The following STK33 variants were observed in gnomAD, a reference collection of about 807,000 sequenced individuals.
STK33 encodes serine/threonine kinase 33.
STK33 carries 52 observed loss-of-function variants against 58.0 expected under a neutral mutation model. The observed-to-expected ratio is 0.90, with a 90% CI of 0.72 to 1.13. The LOEUF (loss-of-function observed/expected upper bound fraction) is 1.13, where lower values mean the gene tolerates loss of function less well. Among genes scored for constraint, STK33 ranks in the 50% most tolerant of loss-of-function variants. The pLI, the probability that STK33 is intolerant of heterozygous loss-of-function variation, is 0.00. For missense variants in STK33, 630 were observed against 604.2 expected, an observed-to-expected ratio of 1.04 and a Z score of -0.45; for synonymous variants, 215 against 200.1, an observed-to-expected ratio of 1.07 and a Z score of -0.63.
At chr11:8,540,046 T>C (rs1015386937) in intron 1 of STK33, among the ~76,000 whole-genome samples, 1 of 152,030 alleles carries the variant, frequency 6.6e-6, no homozygotes, top group Non-Finnish European at 1.5e-5. Context: ...AACCCAGCAA[T>C]CCCTCTTCTG....
chr11:8,336,287 G>A, the STK33 span, among the ~76,000 whole-genome samples: 1 of 152,270 alleles, frequency 6.6e-6, no homozygotes, highest in South Asian at 2.1e-4. Flanking sequence ...GCACCAGGCT[G>A]TGGGCTGGGG....
intron 1 of STK33, among the ~76,000 whole-genome samples, chr11:8,593,049 T>C (rs1240836792): frequency 1.3e-5 from 2 of 152,148 alleles, no homozygotes; most frequent in African/African-American, 4.8e-5. Flanking sequence ...TTGATGATTG[T>C]TTGGATATGG....
intron 15 of STK33, among the ~76,000 whole-genome samples, chr11:8,394,654 T>C (rs924150648): frequency 6.6e-6 from 1 of 152,220 alleles, no homozygotes; most frequent in South Asian, 2.1e-4. Flanking sequence ...AACAGAATTA[T>C]TGATGTAGAA....
chr11:8,390,564 T>C (rs956814918), downstream of STK33, among the ~76,000 whole-genome samples: 4 of 152,124 alleles, frequency 2.6e-5, no homozygotes, highest in African/African-American at 9.7e-5. Flanking sequence ...AAAATACCAC[T>C]AAGTAACACA....
At position 8,591,320 on chromosome 11, in the gene STK33, A is replaced by G. The variant is rs1163330786; in HGVS notation, c.-466+2763T>C. Reference sequence around the variant, plus strand: ...TTGTACTTATTTTCTTTACCTCTTGATTTGCTAATATTACAAAATAACATT... The same window carrying G: ...TTGTACTTATTTTCTTTACCTCTTGGTTTGCTAATATTACAAAATAACATT... On this transcript the variant is annotated intron_variant, in intron 1 of 15. Coordinates refer to ENST00000687296, the MANE Select transcript of STK33 (RefSeq NM_001352389.2). 2.6e-5 allele frequency among the ~76,000 whole-genome samples: 4 copies of G among 152,298 alleles called. No homozygotes were observed. In the East Asian group the frequency reaches 7.7e-4, roughly 29 times the overall value.
At chr11:8,515,450 T>C (rs903123529) in intron 1 of STK33, among the ~76,000 whole-genome samples, 4 of 152,204 alleles carry the variant, frequency 2.6e-5, no homozygotes, top group African/African-American at 9.6e-5. Flanking sequence ...CCCAGGATTA[T>C]AGACTTCACT....
chr11:8,418,327 G>A (rs992046438), intron 14 of STK33, among the ~76,000 whole-genome samples: 5 of 152,002 alleles, frequency 3.3e-5, no homozygotes, highest in African/African-American at 1.2e-4. Flanking sequence ...CCTTCTAAGT[G>A]AGAACATGTG....
intron 1 of STK33, among the ~76,000 whole-genome samples, chr11:8,556,080 C>G (rs1043992136): frequency 3.3e-5 from 5 of 152,136 alleles, no homozygotes; most frequent in Non-Finnish European, 7.4e-5. Flanking sequence ...TAAGAAAGCA[C>G]CCACGATCAT....
chr11:8,429,939 T>G (rs1022548554), intron 14 of STK33, among the ~76,000 whole-genome samples: 20 of 152,220 alleles, frequency 1.3e-4, no homozygotes, highest in African/African-American at 4.3e-4. Flanking sequence ...TACATTCGAG[T>G]TCTTCCCTCA....
chr11:8,517,018 C>T lies in STK33; in HGVS notation c.-465-36404G>A, dbSNP rs139831300. ...CAGCACAGAGTTTGAGATCTAAGAACGAACAGACTGCCTCCTCAAGTGGGT... is the reference window on the plus strand; with the variant it reads ...CAGCACAGAGTTTGAGATCTAAGAATGAACAGACTGCCTCCTCAAGTGGGT... On this transcript the variant is annotated intron_variant, in intron 1 of 15. Coordinates refer to ENST00000687296, the MANE Select transcript of STK33 (RefSeq NM_001352389.2). Among the ~76,000 whole-genome samples, 840 of 152,298 alleles carry T rather than the reference C, an allele frequency of 5.5e-3. 7 individuals carry two copies. The highest frequency in any genetic ancestry group is 0.026 in the East Asian group (136 of 5,178).
chr11:8,448,387 A>C (rs930662125), intron 11 of STK33, among the ~76,000 whole-genome samples: 7 of 152,192 alleles, frequency 4.6e-5, no homozygotes, highest in Non-Finnish European at 8.8e-5. Context: ...AAACTATACT[A>C]CAAGGCTACA....
intron 1 of STK33, among the ~76,000 whole-genome samples, chr11:8,568,757 A>T (rs886138746): frequency 6.6e-6 from 1 of 152,206 alleles, no homozygotes; most frequent in Admixed American, 6.5e-5. Flanking sequence ...CTGATACTAC[A>T]GAGAAAAAGT....
chr11:8,369,614 C>A, the STK33 span, among the ~76,000 whole-genome samples: 1 of 152,108 alleles, frequency 6.6e-6, no homozygotes, highest in South Asian at 2.1e-4. Context: ...GCCTCTGCAG[C>A]CAGTGGGAGG....
At chr11:8,389,669 G>T (rs1223214262), downstream of STK33, among the ~76,000 whole-genome samples, 1 of 152,156 alleles carries the variant, frequency 6.6e-6, no homozygotes, top group African/African-American at 2.4e-5. Context: ...TTTCAAGACT[G>T]GTTGCTTTTG....
At chr11:8,516,912 A>G (rs1287227234) in intron 1 of STK33, among the ~76,000 whole-genome samples, 2 of 152,214 alleles carry the variant, frequency 1.3e-5, no homozygotes, top group Non-Finnish European at 2.9e-5. Flanking sequence ...GGGGCAGGGC[A>G]TAGCTGAAAA....
chr11:8,423,448 C>T (rs1230583183), intron 14 of STK33, among the ~76,000 whole-genome samples: 2 of 151,930 alleles, frequency 1.3e-5, no homozygotes, highest in Non-Finnish European at 2.9e-5. Flanking sequence ...TCACTCAGTT[C>T]TAGGAATTTA....
chr11:8,362,910 C>CTTCCTTCCTCCCTCCT, the STK33 span, among the ~76,000 whole-genome samples: 36 of 28,282 alleles, frequency 1.3e-3, no homozygotes, highest in East Asian at 0.013. Context: ...CTCTCCCTTC[C>CTTCCTTCCTCCCTCCT]TTCCTTCCTC....
chr11:8,495,044 T>C (rs1950946548), intron 1 of STK33, among the ~76,000 whole-genome samples: 2 of 152,020 alleles, frequency 1.3e-5, no homozygotes, highest in Admixed American at 6.6e-5. Flanking sequence ...GGCAAAGAAT[T>C]CATGACTAAA....
intron 1 of STK33, among the ~76,000 whole-genome samples, chr11:8,543,672 C>T (rs944410940): frequency 1.3e-5 from 2 of 152,006 alleles, no homozygotes; most frequent in African/African-American, 4.8e-5. Flanking sequence ...ATGAATAAGA[C>T]CTACTATTTG....
Sources: gnomAD v4.1 joint callset for allele counts (sites outside exome capture counted in the v4.1 genomes callset) on GRCh38, gnomAD v4.1.1 for gene constraint, MANE v1.5 for transcripts, NCBI Gene and HGNC (gene_info 2026-07-23, HGNC 2026-07-21) for gene names.